The following KMT2C variants were observed in gnomAD, a reference collection of about 807,000 sequenced individuals.
The protein encoded by KMT2C is histone-lysine N-methyltransferase 2C.
In KMT2C, 88 loss-of-function variants were observed where a neutral mutation model predicts 507.9. The observed-to-expected ratio is 0.17, with a 90% CI of 0.15 to 0.21. The LOEUF is 0.21. Ranked by LOEUF, KMT2C falls within the 10% of genes least tolerant of loss-of-function variation. The pLI is 1.00. For synonymous variants in KMT2C, 2,049 were observed against 2,080.8 expected, an observed-to-expected ratio of 0.98 and a Z score of 0.42; for missense variants, 4,954 against 5,957.8, an observed-to-expected ratio of 0.83 and a Z score of 5.55.
intron 6 of KMT2C, among the ~76,000 whole-genome samples, chr7:152,281,122 A>G (rs967888999): frequency 3.9e-5 from 6 of 152,192 alleles, no homozygotes; most frequent in African/African-American, 1.4e-4. Context: ...ATAACCATAA[A>G]TAAAAACATG....
intron 39 of KMT2C, among the ~76,000 whole-genome samples, chr7:152,172,595 C>T (rs1164098330): frequency 4.6e-5 from 7 of 152,170 alleles, no homozygotes; most frequent in African/African-American, 1.7e-4. Flanking sequence ...ACTCCAGAGG[C>T]TGATGCAGGA....
At chr7:152,335,916 GTTTT>G (rs71533560) in intron 2 of KMT2C, among the ~76,000 whole-genome samples, 6 of 147,632 alleles carry the variant, frequency 4.1e-5, no homozygotes, top group Admixed American at 2.0e-4. Context: ...GGGTTTTTTT[GTTTT>G]TTTTTTGTTT....
chr7:152,326,676 C>A (rs907003373), intron 3 of KMT2C, among the ~76,000 whole-genome samples: 2 of 152,002 alleles, frequency 1.3e-5, no homozygotes, highest in Non-Finnish European at 2.9e-5. Flanking sequence ...GTCAGGAGAT[C>A]GAGACCATCC....
At position 152,315,844 on chromosome 7, in the gene KMT2C, T is replaced by C. The variant is rs184098721; in HGVS notation, c.390-506A>G. On this transcript the variant is annotated intron_variant, in intron 3 of 58. Transcript: ENST00000262189. ...AGGCACCTCGCTTGTATCCGGGAGG[T>C]AGAGGTTGTAGTAAGCTGAGATTGA... Among the ~76,000 whole-genome samples, 325 of 151,920 alleles carry C rather than the reference T, an allele frequency of 2.1e-3. 3 individuals carry two copies. Among genetic ancestry groups the C allele is most frequent in the Middle Eastern group, 0.01 (3 of 294 alleles).
chr7:152,353,885 G>T (rs2097132739), intron 2 of KMT2C, among the ~76,000 whole-genome samples: 1 of 152,148 alleles, frequency 6.6e-6, no homozygotes, highest in South Asian at 2.1e-4. Flanking sequence ...AATAAACCCT[G>T]GGGTCTTGAG....
chr7:152,395,977 C>T (rs928606741), intron 1 of KMT2C, among the ~76,000 whole-genome samples: 1 of 152,036 alleles, frequency 6.6e-6, no homozygotes, highest in Admixed American at 6.6e-5. Context: ...ACTTACTGCC[C>T]GCAACAATCC....
At chr7:152,296,054 C>T (rs1396772042) in intron 6 of KMT2C, among the ~76,000 whole-genome samples, 5 of 112,074 alleles carry the variant, frequency 4.5e-5, no homozygotes, top group South Asian at 2.7e-4. Context: ...GGCAACAGAA[C>T]GAGACTCCGT....
rs1297295759 is a variant in KMT2C, at chr7:152,222,086, T to C, written c.3434-20A>G. 11 of 1,520,258 alleles carry C rather than the reference T, an allele frequency of 7.2e-6. No homozygotes were observed. The highest frequency in any genetic ancestry group is 9.8e-6 in the Non-Finnish European group (11 of 1,117,990). The allele number at this position is 1,520,258 out of a possible 1,614,324, so 94.2% of individuals were successfully genotyped here. On this transcript the variant is annotated intron_variant, in intron 21 of 58. Transcript: ENST00000262189. ...AAGGCACTGAAACGAAAAAAAAAAA[T>C]CCAGGTAATTCTTTTCAGAAAAGGT...
intron 23 of KMT2C, among the ~76,000 whole-genome samples, chr7:152,215,688 T>TACAC (rs1554539523): frequency 1.5e-5 from 2 of 134,432 alleles, no homozygotes; most frequent in African/African-American, 6.8e-5. Context: ...TATATATATA[T>TACAC]ACACACACAC....
At chr7:152,206,864 C>T (rs2094322180) in intron 24 of KMT2C, among the ~76,000 whole-genome samples, 1 of 152,090 alleles carries the variant, frequency 6.6e-6, no homozygotes, top group Non-Finnish European at 1.5e-5. Flanking sequence ...CTGTCTTATT[C>T]CCCTTCACAC....
chr7:152,346,446 A>G (rs1353485244), intron 2 of KMT2C, among the ~76,000 whole-genome samples: 5 of 152,242 alleles, frequency 3.3e-5, no homozygotes, highest in Admixed American at 6.5e-5. Flanking sequence ...TAAAATCCCA[A>G]AATACTGAGA....
At chr7:152,318,069 C>T (rs1289570578) in intron 3 of KMT2C, among the ~76,000 whole-genome samples, 2 of 151,702 alleles carry the variant, frequency 1.3e-5, no homozygotes, top group Non-Finnish European at 2.9e-5. Context: ...ACCCAGGAGG[C>T]GGAGGTTGCA....
intron 1 of KMT2C, among the ~76,000 whole-genome samples, chr7:152,385,898 G>A (rs548074297): frequency 1.8e-4 from 27 of 151,818 alleles, no homozygotes; most frequent in African/African-American, 6.5e-4. Context: ...GACCAGCCTG[G>A]CAAACACAGT....
At chr7:152,236,054 T>C (rs1158609635) in intron 15 of KMT2C, 121 bp from the exon 16 acceptor site, 5 of 597,178 alleles carry the variant, frequency 8.4e-6, no homozygotes, top group African/African-American at 7.6e-5. Flanking sequence ...TAGATAAGTA[T>C]TAAGAGACCT....
chr7:152,284,218 TTG>T (rs1214273315), intron 6 of KMT2C, among the ~76,000 whole-genome samples: 1 of 151,284 alleles, frequency 6.6e-6, no homozygotes, highest in Non-Finnish European at 1.5e-5. Context: ...ACTCATGATT[TTG>T]AAAAAAAATC....
intron 34 of KMT2C, among the ~76,000 whole-genome samples, chr7:152,184,050 C>T (rs1483977714): frequency 1.7e-5 from 2 of 117,970 alleles, no homozygotes; most frequent in Non-Finnish European, 3.3e-5. Flanking sequence ...CCAGCCTGGG[C>T]AACAACTGTG....
Position 152,182,970 on chromosome 7 carries a change from A to G in KMT2C, c.5265+4T>C. ...AAAAAGTAGATTATCCAAAAATTCCATACCTGTCTAAATTTCCATTCCTGT... is the reference window on the plus strand; with the variant it reads ...AAAAAGTAGATTATCCAAAAATTCCGTACCTGTCTAAATTTCCATTCCTGT... On this transcript the variant is annotated splice_donor_region_variant and intron_variant, in intron 35 of 58. Transcript: ENST00000262189. The G allele has an allele frequency of 6.3e-7, 1 of 1,577,004 alleles. No homozygotes were observed. The highest frequency in any genetic ancestry group is 8.6e-7 in the Non-Finnish European group (1 of 1,166,900).
intron 3 of KMT2C, 121 bp downstream of exon 3, chr7:152,330,480 A>G: frequency 1.0e-6 from 1 of 969,630 alleles, no homozygotes; most frequent in South Asian, 1.5e-5. Context: ...TTTAGCTACT[A>G]AATCATAAAA....
At chr7:152,297,051 A>AAGAAAGAAAGAAAGAAAGAAAGAAAGAC (rs1356233143) in intron 6 of KMT2C, among the ~76,000 whole-genome samples, 83 of 60,170 alleles carry the variant, frequency 1.4e-3, no homozygotes, top group Non-Finnish European at 1.8e-3. Flanking sequence ...GAAAGAAAGA[A>AAGAAAGAAAGAAAGAAAGAAAGAAAGAC]AGACAGAGAG....
Sources: gnomAD v4.1 joint callset for allele counts (sites outside exome capture counted in the v4.1 genomes callset) on GRCh38, gnomAD v4.1.1 for gene constraint, MANE v1.5 for transcripts, NCBI Gene and HGNC (gene_info 2026-07-23, HGNC 2026-07-21) for gene names.